Variants in OGDH observed in about 807,000 individuals in gnomAD.
OGDH encodes the protein 2-oxoglutarate dehydrogenase complex component E1.
In OGDH, 38 loss-of-function variants were observed where a neutral mutation model predicts 116.6. The observed-to-expected ratio is 0.33, with a 90% CI of 0.25 to 0.43. The LOEUF (loss-of-function observed/expected upper bound fraction) is 0.43. Ranked by LOEUF, OGDH falls within the 20% of genes least tolerant of loss-of-function variation. The pLI is 1.00. For synonymous variants in OGDH, 488 were observed against 533.3 expected, an observed-to-expected ratio of 0.92 and a Z score of 1.17; for missense variants, 825 against 1,357.2, an observed-to-expected ratio of 0.61 and a Z score of 6.16.
chr7:44,697,578 T>C lies in OGDH; in HGVS notation c.2180-26T>C, dbSNP rs1428987735. ...CTACTGGCTGGTGTCCTGGACATGG[T>C]TTTCTCCTTCCTTTGTCCCTTGTAG... On this transcript the variant is annotated intron_variant, in intron 16 of 22. Coordinates refer to ENST00000222673, the MANE Select transcript of OGDH (RefSeq NM_002541.4). The surrounding 1 kb of genome is among the most constrained non-coding windows in gnomAD (Gnocchi z 6.0). 6.2e-7 allele frequency: 1 copy of C among 1,613,906 alleles called. No individual in the cohort carries two copies. The highest frequency in any genetic ancestry group is 2.2e-5 in the East Asian group (1 of 44,870).
At chr7:44,639,816 GATGA>G (rs1269951959) in intron 2 of OGDH, among the ~76,000 whole-genome samples, 3 of 152,240 alleles carry the variant, frequency 2.0e-5, no homozygotes, top group African/African-American at 7.2e-5. Context: ...CATGGTGTAA[GATGA>G]ATAAGGGAAA....
intron 1 of OGDH, among the ~76,000 whole-genome samples, chr7:44,610,537 C>T (rs1163302229): frequency 1.3e-5 from 2 of 151,968 alleles, no homozygotes; most frequent in East Asian, 1.9e-4. Context: ...CTCCTGACCT[C>T]GCGATCTGTC....
At position 44,624,486 on chromosome 7, in the gene OGDH, C is replaced by T; in HGVS notation, c.143C>T (p.Pro48Leu). Residue 48 changes from proline to leucine, a missense_variant, in exon 2 of 23, where the codon CCC becomes CTC. Coordinates refer to ENST00000222673, the MANE Select transcript of OGDH (RefSeq NM_002541.4). ...RCYSAPVAAE[P>L]FLSGTSSNYV... is the part of the protein sequence containing the mutation. ...TATTCTGCACCTGTTGCTGCTGAGC[C>T]CTTTCTCAGTGGGACTAGTTCGAAC... The T allele has an allele frequency of 6.2e-7, 1 of 1,613,646 alleles. No homozygotes were observed. Among genetic ancestry groups the T allele is most frequent in the Non-Finnish European group, 8.5e-7 (1 of 1,179,936 alleles).
rs779419161 is a variant in OGDH at position 44,696,413 on chromosome 7, GTTC to G, written c.1772-8_1772-6del. 25 of 1,608,440 alleles carry G rather than the reference GTTC, an allele frequency of 1.6e-5. No homozygotes were observed. Among genetic ancestry groups the G allele is most frequent in the Admixed American group, 3.4e-5 (2 of 58,174 alleles). On this transcript the variant is annotated splice_polypyrimidine_tract_variant and intron_variant, in intron 13 of 22. Coordinates refer to ENST00000222673, the MANE Select transcript of OGDH (RefSeq NM_002541.4). ...GTAGAGCAGATGTCATGCCTCAGTT[GTTC>G]TTCTTCTCCTAGGCTTCTTCACCCT...
intron 10 of OGDH, among the ~76,000 whole-genome samples, chr7:44,684,698 TGAAA>T (rs1230772371): frequency 1.3e-5 from 2 of 152,146 alleles, no homozygotes; most frequent in Non-Finnish European, 2.9e-5. Context: ...CTGCTTTCTT[TGAAA>T]GAATAGTGTT....
intron 2 of OGDH, among the ~76,000 whole-genome samples, chr7:44,630,556 A>AT (rs2076647943): frequency 6.6e-6 from 1 of 152,246 alleles, no homozygotes; most frequent in African/African-American, 2.4e-5. Flanking sequence ...TCAGAAATAT[A>AT]TGTAGTCATT....
intron 1 of OGDH, among the ~76,000 whole-genome samples, chr7:44,616,617 G>GTATATATATATATACACATGTTTATGTA: frequency 6.8e-6 from 1 of 146,040 alleles, no homozygotes; most frequent in East Asian, 2.0e-4. Context: ...ATATATATAT[G>GTATATATATATATACACATGTTTATGTA]TATATATATA....
intron 2 of OGDH, among the ~76,000 whole-genome samples, chr7:44,642,827 C>A (rs1354459347): frequency 2.6e-5 from 4 of 151,472 alleles, no homozygotes; most frequent in South Asian, 2.1e-4. Flanking sequence ...GAGGCTGAGG[C>A]AGGAGAATCG....
chr7:44,609,475 A>G (rs1784483543), intron 1 of OGDH, among the ~76,000 whole-genome samples: 1 of 149,580 alleles, frequency 6.7e-6, no homozygotes, highest in Non-Finnish European at 1.5e-5. Context: ...GCGCCACTGC[A>G]CTCCAGCATG....
chr7:44,650,668 T>C (rs1786397815), intron 4 of OGDH, among the ~76,000 whole-genome samples: 1 of 151,994 alleles, frequency 6.6e-6, no homozygotes, highest in Admixed American at 6.6e-5. Context: ...TGTAGCCAAA[T>C]TATAAGGAAG....
chr7:44,636,339 AG>A (rs1343199948), intron 2 of OGDH, among the ~76,000 whole-genome samples: 1 of 152,230 alleles, frequency 6.6e-6, no homozygotes, highest in African/African-American at 2.4e-5. Context: ...AAGGACTGGC[AG>A]GGAGCTTGGC....
At chr7:44,625,283 C>T (rs543946716) in intron 2 of OGDH, among the ~76,000 whole-genome samples, 2 of 152,152 alleles carry the variant, frequency 1.3e-5, no homozygotes, top group South Asian at 4.1e-4. Flanking sequence ...CGTCACCACG[C>T]CTGACTAGTT....
chr7:44,706,407 C>T (rs1435154895), intron 20 of OGDH, among the ~76,000 whole-genome samples: 39 of 151,508 alleles, frequency 2.6e-4, no homozygotes, highest in Non-Finnish European at 4.9e-4. Context: ...CCACAACCTC[C>T]GCCTCCCGGG....
chr7:44,703,353 A>T (rs1324031104), intron 20 of OGDH, among the ~76,000 whole-genome samples: 1 of 152,034 alleles, frequency 6.6e-6, no homozygotes, highest in Non-Finnish European at 1.5e-5. Context: ...GGTTGCAGTG[A>T]GCTGAGATTG....
intron 9 of OGDH, among the ~76,000 whole-genome samples, chr7:44,677,029 CT>C (rs1469073075): frequency 6.6e-6 from 1 of 152,158 alleles, no homozygotes; most frequent in Admixed American, 6.5e-5. Context: ...GTTGACTCGC[CT>C]GCCTGCTTGT....
chr7:44,701,463 C>A, intron 19 of OGDH, 80 bp from the exon 20 acceptor site: 1 of 1,268,100 alleles, frequency 7.9e-7, no homozygotes. Context: ...AAGGTCAAGG[C>A]TTGGGTAGCC....
chr7:44,708,567 A>G lies in OGDH; in HGVS notation c.*568A>G, dbSNP rs898111087. 6.5e-6 allele frequency: 1 copy of G among 152,810 alleles called. No individual in the cohort carries two copies. Among genetic ancestry groups the G allele is most frequent in the Non-Finnish European group, 1.5e-5 (1 of 68,570 alleles). The allele number at this position is 152,810 out of a possible 1,614,324, so 9.5% of individuals were successfully genotyped here. A position where few individuals can be genotyped will look rare whatever the true frequency, so the allele number is the denominator to read the frequency against. On this transcript the variant is annotated 3_prime_UTR_variant, in exon 23 of 23. Coordinates refer to ENST00000222673, the MANE Select transcript of OGDH (RefSeq NM_002541.4). ...AGCCTTGGCCTGACCTGGCACAGAA[A>G]GGGCAGCTTCAGTCTCTGCAGTGTC...
At chr7:44,648,687 A>G (rs1459295281) in intron 4 of OGDH, among the ~76,000 whole-genome samples, 1 of 152,190 alleles carries the variant, frequency 6.6e-6, no homozygotes, top group Non-Finnish European at 1.5e-5. Flanking sequence ...GGATATCTTT[A>G]TAGGCATTAC....
At chr7:44,649,765 A>G (rs1235900939) in intron 4 of OGDH, among the ~76,000 whole-genome samples, 2 of 152,098 alleles carry the variant, frequency 1.3e-5, no homozygotes, top group Non-Finnish European at 2.9e-5. Flanking sequence ...CTGTCAACAT[A>G]CGCACTAATT....
Sources: gnomAD v4.1 joint callset for allele counts (sites outside exome capture counted in the v4.1 genomes callset) on GRCh38, gnomAD v4.1.1 for gene constraint, Gnocchi (gnomAD v3.1) non-coding constraint, MANE v1.5 for transcripts, NCBI Gene and HGNC (gene_info 2026-07-23, HGNC 2026-07-21) for gene names.